The following FGA variants were observed in gnomAD, a reference collection of about 807,000 sequenced individuals.
FGA encodes the protein fibrinogen alpha chain, also known as fibrinogen, A alpha polypeptide.
FGA carries 20 observed loss-of-function variants against 20.3 expected under a neutral mutation model. The ratio of observed to expected loss-of-function variants is 0.99; its 90% CI spans 0.69 to 1.43. FGA has a LOEUF of 1.43. Among genes scored for constraint, FGA ranks in the 40% most tolerant of loss-of-function variants. The probability of loss-of-function intolerance (pLI) is 0.00; values close to 1 mark genes in which losing one functional copy is unlikely to be tolerated. For missense variants in FGA, 777 were observed against 784.7 expected (o/e 0.99, Z 0.12); for synonymous variants, 306 against 281.6 (o/e 1.09, Z -0.87).
At chr4:154,587,056 C>T (rs1488701324) in intron 4 of FGA, 138 bp from the exon 5 acceptor site, 2 of 838,862 alleles carry the variant, frequency 2.4e-6, no homozygotes, top group Non-Finnish European at 1.9e-6. Flanking sequence ...ACTTAATATT[C>T]TCTGTTTTCT....
chr4:154,589,529 C>T lies in FGA; in HGVS notation c.88G>A (p.Glu30Lys). The change falls in exon 2 of 5, where the codon GAA (glutamate) becomes AAA (lysine). Residue 30 changes from glutamate to lysine, a missense_variant. Coordinates refer to ENST00000403106, the MANE Select transcript of FGA (RefSeq NM_021871.4). ...ADSGEGDFLAEGGGVRGPRVV... is the reference protein window; with the variant it reads ...ADSGEGDFLAKGGGVRGPRVV... ...CTTGGGCCACGCACGCCTCCTCCTT[C>T]AGCTAGAAAGTCACCTTCACCACTA... 2 of 1,613,870 alleles carry T rather than the reference C, an allele frequency of 1.2e-6. No homozygotes were observed. Among genetic ancestry groups the T allele is most frequent in the Non-Finnish European group, 8.5e-7 (1 of 1,179,982 alleles).
In FGA at chr4:154,589,697, C is replaced by T. The variant is rs112298611; in HGVS notation, c.55-135G>A. The T allele has an allele frequency of 6.4e-4, 610 of 959,880 alleles. 1 individual carries two copies. In the African/African-American group the frequency reaches 7.9e-3, roughly 12 times the overall value. 59.5% of individuals were successfully genotyped at this position (959,880 alleles called of 1,614,324 possible). ...ATTAAGGAGAGCAGACACAGGGCTT[C>T]GGCAAGCTTCAGGTTTCTTATCTTC... On this transcript the variant is annotated intron_variant, in intron 1 of 4. Coordinates refer to ENST00000403106, the MANE Select transcript of FGA (RefSeq NM_021871.4).
chr4:154,585,446 G>A lies in FGA; in HGVS notation c.*48C>T, dbSNP rs1285917719. ...TGACGTGTAACAGAGAGTTAAGAAG[G>A]AAATGCAAGGGGCCATGGGAACACT... On this transcript the variant is annotated 3_prime_UTR_variant, in exon 5 of 5. Transcript: ENST00000403106. 1 of 1,332,928 alleles carries A rather than the reference G, an allele frequency of 7.5e-7. No homozygotes were observed. Among genetic ancestry groups the A allele is most frequent in the Non-Finnish European group, 1.1e-6 (1 of 929,016 alleles). 82.6% of individuals were successfully genotyped at this position (1,332,928 alleles called of 1,614,324 possible). A position where few individuals can be genotyped will look rare whatever the true frequency, so the allele number is the denominator to read the frequency against.
downstream of FGA, chr4:154,583,982 AT>A: frequency 1.4e-6 from 1 of 711,368 alleles, no homozygotes. Context: ...TCTCAGGTAC[AT>A]TTAGCTACAG....
At chr4:154,584,848 A>G (rs745324835), downstream of FGA, 1 of 1,576,792 alleles carries the variant, frequency 6.3e-7, no homozygotes, top group Non-Finnish European at 8.7e-7. Flanking sequence ...AAAAAAAATT[A>G]AGCTGGTTGG....
chr4:154,590,471 G>T (rs1730841714), intron 1 of FGA, among the ~76,000 whole-genome samples, 163 bp downstream of exon 1: 1 of 152,160 alleles, frequency 6.6e-6, no homozygotes, highest in Non-Finnish European at 1.5e-5. Context: ...ATATTACCCT[G>T]TATTCTTGAG....
At position 154,586,845 on chromosome 4, in the gene FGA, T is replaced by C. The variant is rs1034356164; in HGVS notation, c.584A>G (p.Lys195Arg). Residue 195 changes from lysine to arginine, a missense_variant, in exon 5 of 5, where the codon AAG (lysine) becomes AGG (arginine). Physicochemically the swap from Lys to Arg is conservative, Grantham distance 26 (BLOSUM62 2). Transcript: ENST00000403106. ...TTGCTTCTGCTGATCTTCATAGTCC[T>C]TCAGATCTACTTCACGAGCTAAAGC... ...SRALAREVDLKDYEDQQKQLE... is the reference protein window; with the variant it reads ...SRALAREVDLRDYEDQQKQLE... The C allele has an allele frequency of 1.2e-6, 2 of 1,614,128 alleles. No individual in the cohort carries two copies. Among genetic ancestry groups the C allele is most frequent in the Non-Finnish European group, 1.7e-6 (2 of 1,179,996 alleles).
chr4:154,583,613 G>T (rs1186435883), downstream of FGA: 2 of 153,370 alleles, frequency 1.3e-5, no homozygotes, highest in Non-Finnish European at 2.9e-5. Flanking sequence ...CATAGCAAAA[G>T]ACATAAATAC....
At position 154,589,508 on chromosome 4, in the gene FGA, G is replaced by A. The variant is rs1269279781; in HGVS notation, c.109C>T (p.Pro37Ser). ...FLAEGGGVRG[P>S]RVVERHQSAC... ...GATTGATGTCTTTCCACAACCCTTG[G>A]GCCACGCACGCCTCCTCCTTCAGCT... is the stretch of plus-strand genomic sequence containing the variant. The change falls in exon 2 of 5, where the codon CCA becomes TCA. Residue 37 changes from proline (P) to serine (S), a missense_variant. By Grantham distance (74) the Pro-to-Ser change is moderately conservative. Transcript: ENST00000403106. The A allele has an allele frequency of 1.2e-6, 2 of 1,613,706 alleles. No homozygotes were observed. Among genetic ancestry groups the A allele is most frequent in the African/African-American group, 2.7e-5 (2 of 74,860 alleles).
rs1188794402 is a variant in FGA at position 154,585,404 on chromosome 4, A to G, written c.*90T>C. 1.7e-6 allele frequency: 2 copies of G among 1,147,210 alleles called. No individual in the cohort carries two copies. The highest frequency in any genetic ancestry group is 2.5e-6 in the Non-Finnish European group (2 of 794,738). The allele number at this position is 1,147,210 out of a possible 1,614,324, so 71.1% of individuals were successfully genotyped here. A position where few individuals can be genotyped will look rare whatever the true frequency, so the allele number is the denominator to read the frequency against. On this transcript the variant is annotated 3_prime_UTR_variant, in exon 5 of 5. Transcript: ENST00000403106. ...TACAGTCTAGCACAAAAACAGACCA[A>G]AAAAGTGTAGTTTCAATGACGTGTA...
Position 154,587,613 on chromosome 4 carries a change from T to G in FGA, c.409A>C (p.Arg137=). 5 of 1,614,018 alleles carry G rather than the reference T, an allele frequency of 3.1e-6. No individual in the cohort carries two copies. Among genetic ancestry groups the G allele is most frequent in the Non-Finnish European group, 4.2e-6 (5 of 1,179,972 alleles). The change falls in exon 4 of 5, where the codon AGA becomes CGA. Residue 137 remains arginine, a synonymous_variant. Coordinates refer to ENST00000403106, the MANE Select transcript of FGA (RefSeq NM_021871.4). Reference sequence around the variant, plus strand: ...ACTTTGCGCTTCAGGACTTCAATTCTGCTTCTCAGATCCTCTGACACTCGG... The same window carrying G: ...ACTTTGCGCTTCAGGACTTCAATTCGGCTTCTCAGATCCTCTGACACTCGG... ...YNRVSEDLRS[R]IEVLKRKVIE... is the part of the protein sequence containing the mutation.
At position 154,585,471 on chromosome 4, in the gene FGA, T is replaced by C. The variant is rs1194448985; in HGVS notation, c.*23A>G. On this transcript the variant is annotated 3_prime_UTR_variant, in exon 5 of 5. Coordinates refer to ENST00000403106, the MANE Select transcript of FGA (RefSeq NM_021871.4). ...GAAATGCAAGGGGCCATGGGAACAC[T>C]GTGCAGAAATATTTAACTTAGTCTA... 1.4e-6 allele frequency: 2 copies of C among 1,450,910 alleles called. No individual in the cohort carries two copies. Among genetic ancestry groups the C allele is most frequent in the African/African-American group, 2.8e-5 (2 of 71,402 alleles). 89.9% of individuals were successfully genotyped at this position (1,450,910 alleles called of 1,614,324 possible).
At chr4:154,585,255 C>T, downstream of FGA, 1 of 1,350,418 alleles carries the variant, frequency 7.4e-7, no homozygotes, top group South Asian at 1.7e-5. Flanking sequence ...TAAATAAGCT[C>T]AAATAGAGTT....
chr4:154,584,367 G>T (rs774179478), downstream of FGA: 1 of 1,614,130 alleles, frequency 6.2e-7, no homozygotes. Flanking sequence ...TGTCAAAGGT[G>T]CTGAACTGCA....
chr4:154,586,277 T>A lies in FGA; in HGVS notation c.1152A>T (p.Gly384=), dbSNP rs1188310140. 2.5e-6 allele frequency: 4 copies of A among 1,614,180 alleles called. No individual in the cohort carries two copies. The highest frequency in any genetic ancestry group is 2.2e-5 in the South Asian group (2 of 91,080). Residue 384 remains glycine (G), a synonymous_variant, in exon 5 of 5, where the codon GGA becomes GGT. Coordinates refer to ENST00000403106, the MANE Select transcript of FGA (RefSeq NM_021871.4). ...AACTTCCAGATTCAGAGTGCCATTGTCCAGTACTACCAGATACAGAGCTCT... is the reference window on the plus strand; with the variant it reads ...AACTTCCAGATTCAGAGTGCCATTGACCAGTACTACCAGATACAGAGCTCT... ...TSESSVSGST[G]QWHSESGSFR...
chr4:154,588,217 G>A lies in FGA; in HGVS notation c.365-560C>T, dbSNP rs554665921. Among the ~76,000 whole-genome samples, 55 of 152,300 alleles carry A rather than the reference G, an allele frequency of 3.6e-4. No homozygotes were observed. The Middle Eastern group carries it at 0.014, about 38-fold the overall frequency. ...TTGCATCACTGATTTTAAATGTCAA[G>A]TGTTTGTGAAGGTGTAAAAAGGCAA... On this transcript the variant is annotated intron_variant, in intron 3 of 4. Coordinates refer to ENST00000403106, the MANE Select transcript of FGA (RefSeq NM_021871.4).
chr4:154,584,718 C>A (rs779020384), downstream of FGA: 24 of 1,613,976 alleles, frequency 1.5e-5, no homozygotes, highest in East Asian at 3.6e-4. Flanking sequence ...GCCATCCTCC[C>A]AAACTGGTCT....
chr4:154,587,011 A>G (rs1730744821), intron 4 of FGA, 93 bp from the exon 5 acceptor site: 1 of 1,332,558 alleles, frequency 7.5e-7, no homozygotes, highest in Admixed American at 1.9e-5. Context: ...TCCTTCTGGA[A>G]ACTGGTTTCA....
downstream of FGA, chr4:154,583,547 T>C (rs919569158): frequency 6.6e-6 from 1 of 152,546 alleles, no homozygotes; most frequent in African/African-American, 2.4e-5. Context: ...GTTTAAAGGA[T>C]AGATTTTCAT....
Sources: gnomAD v4.1 joint callset for allele counts (sites outside exome capture counted in the v4.1 genomes callset) on GRCh38, gnomAD v4.1.1 for gene constraint, MANE v1.5 for transcripts, NCBI Gene and HGNC (gene_info 2026-07-23, HGNC 2026-07-21) for gene names.